DYNC1I1: variants seen among roughly 807,000 people sequenced by gnomAD.
DYNC1I1 encodes the protein cytoplasmic dynein 1 intermediate chain 1.
In DYNC1I1, 43 loss-of-function variants were observed where a neutral mutation model predicts 86.6. The observed-to-expected ratio is 0.50, with a 90% CI of 0.39 to 0.64. DYNC1I1 has a LOEUF of 0.64. Ranked by LOEUF, DYNC1I1 falls within the 30% of genes least tolerant of loss-of-function variation. The pLI is 0.00. For missense variants in DYNC1I1, 604 were observed against 788.8 expected (o/e 0.77, Z 2.81); for synonymous variants, 262 against 283.7 (o/e 0.92, Z 0.77).
intron 14 of DYNC1I1, among the ~76,000 whole-genome samples, chr7:96,061,871 A>G (rs555051990): frequency 6.6e-6 from 1 of 152,252 alleles, no homozygotes; most frequent in Non-Finnish European, 1.5e-5. Context: ...TTAAATTGCA[A>G]ATGTGGACCA....
intron 10 of DYNC1I1, among the ~76,000 whole-genome samples, chr7:96,012,357 T>C (rs1377364207): frequency 6.6e-6 from 1 of 152,152 alleles, no homozygotes; most frequent in African/African-American, 2.4e-5. Context: ...CATCCTTTCT[T>C]TTTTGTTGGT....
chr7:96,028,222 G>T lies in DYNC1I1; in HGVS notation c.1017G>T (p.Val339=), dbSNP rs1794728129. 2 of 1,613,916 alleles carry T rather than the reference G, an allele frequency of 1.2e-6. No individual in the cohort carries two copies. Among genetic ancestry groups the T allele is most frequent in the Non-Finnish European group, 1.7e-6 (2 of 1,179,868 alleles). Residue 339 remains valine, a synonymous_variant, in exon 11 of 17, where the codon GTG becomes GTT. Transcript: ENST00000447467. ...TCGCCCGTTTCCATCCTAACTTGGT[G>T]GTTGGTGGGACTTACTCGGGCCAGA... ...VCFARFHPNL[V]VGGTYSGQIV...
intron 10 of DYNC1I1, among the ~76,000 whole-genome samples, chr7:96,020,909 A>G (rs144016033): frequency 6.6e-6 from 1 of 152,312 alleles, no homozygotes; most frequent in African/African-American, 2.4e-5. Flanking sequence ...TAAATATTAT[A>G]TGATAATACT....
At chr7:95,915,157 T>G (rs1251753308) in intron 6 of DYNC1I1, among the ~76,000 whole-genome samples, 1 of 152,236 alleles carries the variant, frequency 6.6e-6, no homozygotes. Flanking sequence ...CGTGACATTT[T>G]TGTATGGTCA....
chr7:95,993,806 A>G (rs947081628), intron 9 of DYNC1I1, among the ~76,000 whole-genome samples: 25 of 152,222 alleles, frequency 1.6e-4, no homozygotes, highest in Non-Finnish European at 3.4e-4. Flanking sequence ...AAATTCATAA[A>G]GGCAATCTTC....
At chr7:95,823,366 A>C (rs571480824) in intron 4 of DYNC1I1, among the ~76,000 whole-genome samples, 1 of 152,192 alleles carries the variant, frequency 6.6e-6, no homozygotes, top group Non-Finnish European at 1.5e-5. Context: ...ACACTAAGTG[A>C]AGGGAAATTA....
intron 10 of DYNC1I1, among the ~76,000 whole-genome samples, chr7:96,023,578 G>C (rs1306394444): frequency 6.6e-6 from 1 of 152,174 alleles, no homozygotes; most frequent in Non-Finnish European, 1.5e-5. Context: ...ATGTAGTGAT[G>C]GTGTGCGGTG....
intron 6 of DYNC1I1, among the ~76,000 whole-genome samples, chr7:95,939,692 T>G (rs956409523): frequency 6.6e-6 from 1 of 151,848 alleles, no homozygotes; most frequent in Non-Finnish European, 1.5e-5. Flanking sequence ...TATGTGTGTC[T>G]CTGCACGTGA....
intron 16 of DYNC1I1, among the ~76,000 whole-genome samples, chr7:96,085,391 A>G (rs1272653987): frequency 6.6e-6 from 1 of 152,070 alleles, no homozygotes; most frequent in Non-Finnish European, 1.5e-5. Flanking sequence ...TGTTACATTT[A>G]AATGACAAAG....
intron 1 of DYNC1I1, among the ~76,000 whole-genome samples, chr7:95,803,179 G>A (rs1443349015): frequency 1.3e-5 from 2 of 152,192 alleles, no homozygotes; most frequent in African/African-American, 4.8e-5. Flanking sequence ...TAAGAATGGT[G>A]TACTTGGATT....
chr7:95,928,242 C>T (rs557795016), intron 6 of DYNC1I1, among the ~76,000 whole-genome samples: 1 of 152,298 alleles, frequency 6.6e-6, no homozygotes, highest in East Asian at 1.9e-4. Flanking sequence ...AATTGTAGTT[C>T]CTGCAAAAGG....
At chr7:96,088,345 A>G (rs944455894) in intron 16 of DYNC1I1, among the ~76,000 whole-genome samples, 8 of 152,188 alleles carry the variant, frequency 5.3e-5, no homozygotes, top group East Asian at 1.9e-4. Context: ...TGAAGTTCAT[A>G]TATTCTCATT....
At chr7:95,813,088 C>CT (rs2115841895) in intron 3 of DYNC1I1, 159 bp from the exon 4 acceptor site, 1 of 1,362,780 alleles carries the variant, frequency 7.3e-7, no homozygotes, top group Non-Finnish European at 9.7e-7. Context: ...TTTTCCTTTT[C>CT]TTTCCTTTTT....
At chr7:96,105,631 G>A (rs538355158) in intron 16 of DYNC1I1, among the ~76,000 whole-genome samples, 2 of 152,196 alleles carry the variant, frequency 1.3e-5, no homozygotes, top group East Asian at 3.9e-4. Context: ...TAATGTCTTT[G>A]TCAGGTTTTA....
chr7:96,106,489 C>G (rs1791215492), intron 16 of DYNC1I1, among the ~76,000 whole-genome samples: 1 of 151,938 alleles, frequency 6.6e-6, no homozygotes, highest in African/African-American at 2.4e-5. Context: ...GAGCCAAGAT[C>G]GCGCCATTGC....
intron 6 of DYNC1I1, among the ~76,000 whole-genome samples, chr7:95,897,436 AT>A (rs540983154): frequency 2.2e-3 from 317 of 143,562 alleles, no homozygotes; most frequent in African/African-American, 7.5e-3. Context: ...CTTGTCCTCT[AT>A]TGACCATGAT....
Position 95,974,321 on chromosome 7 carries a change from A to G in DYNC1I1, c.491-3191A>G, listed in dbSNP as rs185316623. On this transcript the variant is annotated intron_variant, in intron 6 of 16. Transcript: ENST00000447467. ...GGTGTGTGCCCAGCACCTGGCACATAGTAAGTGCTCAGTCAATATTTGTTA... is the reference window on the plus strand; with the variant it reads ...GGTGTGTGCCCAGCACCTGGCACATGGTAAGTGCTCAGTCAATATTTGTTA... Among the ~76,000 whole-genome samples, 10 of 152,306 alleles carry G rather than the reference A, an allele frequency of 6.6e-5. No homozygotes were observed. The East Asian group carries it at 1.9e-3, about 29-fold the overall frequency.
At chr7:95,829,799 A>C (rs2115934871) in intron 5 of DYNC1I1, among the ~76,000 whole-genome samples, 1 of 105,756 alleles carries the variant, frequency 9.5e-6, no homozygotes. Context: ...TGGAGAGAGA[A>C]GATGGAGACT....
At chr7:95,955,644 G>T (rs1016436670) in intron 6 of DYNC1I1, among the ~76,000 whole-genome samples, 6 of 152,080 alleles carry the variant, frequency 3.9e-5, no homozygotes, top group Admixed American at 1.3e-4. Flanking sequence ...GAGGTGAGAA[G>T]CAAAGATGTA....
Sources: allele counts gnomAD v4.1 joint callset (sites outside exome capture counted in the v4.1 genomes callset), GRCh38; gene constraint gnomAD v4.1.1; transcripts MANE v1.5; gene names NCBI Gene and HGNC (gene_info 2026-07-23, HGNC 2026-07-21).